The following CSMD1 variants were observed in gnomAD, a reference collection of about 807,000 sequenced individuals.
The protein encoded by CSMD1 is CUB and sushi domain-containing protein 1.
In CSMD1, 213 loss-of-function variants were observed where a neutral mutation model predicts 417.5. The observed-to-expected ratio is 0.51, with a 90% CI of 0.46 to 0.57. The LOEUF (loss-of-function observed/expected upper bound fraction) is 0.57. Ranked by LOEUF, CSMD1 falls within the 20% of genes least tolerant of loss-of-function variation. The pLI, the probability that CSMD1 is intolerant of heterozygous loss-of-function variation, is 0.00. For missense variants in CSMD1, 6,923 were observed against 4,529.7 expected (o/e 1.53, Z -15.17); for synonymous variants, 2,862 against 1,736.8 (o/e 1.65, Z -16.11).
intron 1 of CSMD1, among the ~76,000 whole-genome samples, chr8:4,924,451 G>C (rs181473727): frequency 6.6e-6 from 1 of 152,048 alleles, no homozygotes; most frequent in Non-Finnish European, 1.5e-5. Flanking sequence ...AGCCAGGCAC[G>C]GTGGCTCACG....
At chr8:4,160,181 G>A (rs1009659006) in intron 3 of CSMD1, among the ~76,000 whole-genome samples, 22 of 152,022 alleles carry the variant, frequency 1.4e-4, no homozygotes, top group Admixed American at 5.2e-4. Context: ...TAAGACTTAA[G>A]GGGAAGTATT....
At chr8:3,397,097 G>A (rs1811750945) in intron 16 of CSMD1, among the ~76,000 whole-genome samples, 1 of 152,074 alleles carries the variant, frequency 6.6e-6, no homozygotes. Flanking sequence ...TGGCTCCCCT[G>A]TGATGCAATG....
intron 62 of CSMD1, among the ~76,000 whole-genome samples, chr8:2,958,281 C>A (rs556652825): frequency 1.7e-4 from 26 of 152,324 alleles, no homozygotes; most frequent in South Asian, 4.1e-4. Flanking sequence ...TTACTGTTGT[C>A]TGAATGTCTG....
At chr8:4,675,996 T>A (rs1805660172) in intron 1 of CSMD1, among the ~76,000 whole-genome samples, 1 of 152,246 alleles carries the variant, frequency 6.6e-6, no homozygotes, top group South Asian at 2.1e-4. Flanking sequence ...TCTTCACATT[T>A]GCTTTACATT....
chr8:4,696,462 T>G (rs1271529979), intron 1 of CSMD1, among the ~76,000 whole-genome samples: 1 of 152,202 alleles, frequency 6.6e-6, no homozygotes, highest in African/African-American at 2.4e-5. Context: ...ATTTGTTTAT[T>G]AAAGGGAACA....
intron 3 of CSMD1, among the ~76,000 whole-genome samples, chr8:4,194,633 C>A (rs180888612): frequency 5.6e-4 from 85 of 152,214 alleles, no homozygotes; most frequent in Admixed American, 1.5e-3. Flanking sequence ...ACATCTCCCA[C>A]ATTTTCTTGC....
intron 3 of CSMD1, among the ~76,000 whole-genome samples, chr8:4,325,828 G>A (rs1273458434): frequency 2.0e-5 from 3 of 152,128 alleles, no homozygotes; most frequent in Admixed American, 2.0e-4. Context: ...AACGACTGTA[G>A]ATTAACAAAA....
chr8:3,835,721 A>C (rs1467059531), intron 5 of CSMD1, among the ~76,000 whole-genome samples: 4 of 6,504 alleles, frequency 6.2e-4, no homozygotes, highest in Non-Finnish European at 1.2e-3. Context: ...TAAAATTAAC[A>C]AAAAAAAAAA....
At chr8:3,091,223 A>T (rs1399668876) in intron 48 of CSMD1, among the ~76,000 whole-genome samples, 1 of 152,006 alleles carries the variant, frequency 6.6e-6, no homozygotes, top group Non-Finnish European at 1.5e-5. Flanking sequence ...ATATTTTAAA[A>T]TTAATTTTGA....
intron 7 of CSMD1, among the ~76,000 whole-genome samples, chr8:3,641,321 C>G (rs1417416435): frequency 2.0e-5 from 3 of 152,088 alleles, no homozygotes; most frequent in South Asian, 4.1e-4. Flanking sequence ...GGGTGAGTCA[C>G]TAGCAATGGA....
At chr8:4,574,182 C>A (rs2130668592) in intron 2 of CSMD1, among the ~76,000 whole-genome samples, 1 of 152,090 alleles carries the variant, frequency 6.6e-6, no homozygotes, top group South Asian at 2.1e-4. Context: ...AAAAAAACCT[C>A]TTGCAGCTAG....
At chr8:3,404,617 A>T (rs1250496631) in intron 15 of CSMD1, among the ~76,000 whole-genome samples, 2 of 152,232 alleles carry the variant, frequency 1.3e-5, no homozygotes. Context: ...TTCACTTATT[A>T]AAAATAAATA....
chr8:3,585,081 C>T (rs962725955), intron 9 of CSMD1, among the ~76,000 whole-genome samples: 15 of 152,178 alleles, frequency 9.9e-5, no homozygotes, highest in African/African-American at 3.4e-4. Flanking sequence ...CCTCCCCTTC[C>T]GGTGGGGCGG....
At chr8:3,440,043 C>G (rs1814871202) in intron 12 of CSMD1, among the ~76,000 whole-genome samples, 1 of 152,188 alleles carries the variant, frequency 6.6e-6, no homozygotes, top group Admixed American at 6.5e-5. Flanking sequence ...ACCACATGGT[C>G]TTGATTACTG....
chr8:4,630,695 C>T (rs1001833767), intron 2 of CSMD1, among the ~76,000 whole-genome samples: 6 of 152,146 alleles, frequency 3.9e-5, no homozygotes, highest in African/African-American at 1.4e-4. Flanking sequence ...GTGGACCAAA[C>T]ACCTCTGCTG....
intron 3 of CSMD1, among the ~76,000 whole-genome samples, chr8:4,405,600 ACAAT>A (rs1271776106): frequency 1.3e-5 from 2 of 152,200 alleles, no homozygotes; most frequent in Admixed American, 1.3e-4. Flanking sequence ...TTGTTTGTTG[ACAAT>A]CAAAAAAGAA....
At position 4,940,005 on chromosome 8, in the gene CSMD1, G is replaced by A. The variant is rs1807880183; in HGVS notation, c.85+54327C>T. Among the ~76,000 whole-genome samples, 3 of 152,156 alleles carry A rather than the reference G, an allele frequency of 2.0e-5. No homozygotes were observed. In the South Asian group the frequency reaches 6.2e-4, roughly 32 times the overall value. ...TCAGAGTAGGGTTATTGGGAAGATT[G>A]GGAAAACTGAAAGATCCATGTGCCT... On this transcript the variant is annotated intron_variant, in intron 1 of 69. Transcript: ENST00000635120.
intron 5 of CSMD1, among the ~76,000 whole-genome samples, chr8:3,775,806 A>G (rs1160060746): frequency 6.6e-6 from 1 of 152,232 alleles, no homozygotes; most frequent in African/African-American, 2.4e-5. Context: ...TGCTGATGTC[A>G]TCATGGGGTC....
Position 3,214,570 on chromosome 8 carries a change from G to T in CSMD1, c.4794C>A (p.Asp1598Glu), listed in dbSNP as rs1266354674. The change falls in exon 30 of 70, where the codon GAC becomes GAA. Residue 1598 changes from aspartate to glutamate, a missense_variant. Physicochemically the swap from Asp to Glu is conservative, Grantham distance 45. Transcript: ENST00000635120. ...CAATCACACAGGTGATGGATGAGGG[G>T]TCAAGAATCTTATAGCCAGAGTCAC... ...YQCDSGYKIL[D>E]PSSITCVIGA... 1.3e-6 allele frequency: 2 copies of T among 1,587,014 alleles called. No homozygotes were observed. Among genetic ancestry groups the T allele is most frequent in the South Asian group, 2.3e-5 (2 of 86,478 alleles).
Sources: gnomAD v4.1 joint callset for allele counts (sites outside exome capture counted in the v4.1 genomes callset) on GRCh38, gnomAD v4.1.1 for gene constraint, MANE v1.5 for transcripts, NCBI Gene and HGNC (gene_info 2026-07-23, HGNC 2026-07-21) for gene names.